Variants in FAM3D observed in about 807,000 individuals in gnomAD.
FAM3D encodes the protein FAM3 metabolism regulating signaling molecule D.
In FAM3D, 26 loss-of-function variants were observed where a neutral mutation model predicts 29.8. The ratio of observed to expected loss-of-function variants is 0.87; its 90% confidence interval spans 0.64 to 1.21. The LOEUF is 1.21. Ranked by LOEUF, FAM3D falls within the 50% of genes most tolerant of loss-of-function variation. The pLI is 0.00. For synonymous variants in FAM3D, 115 were observed against 102.3 expected, an observed-to-expected ratio of 1.12 and a Z score of -0.75; for missense variants, 253 against 290.9, an observed-to-expected ratio of 0.87 and a Z score of 0.95.
At chr3:58,646,846 G>C (rs13325635) in intron 4 of FAM3D, among the ~76,000 whole-genome samples, 2,080 of 152,340 alleles carry the variant, frequency 0.014, 52 homozygotes, top group South Asian at 0.066. Context: ...ATAGTAGGCA[G>C]TGGGTAGTCT....
At chr3:58,659,769 C>A (rs1292984127) in intron 1 of FAM3D, among the ~76,000 whole-genome samples, 1 of 152,210 alleles carries the variant, frequency 6.6e-6, no homozygotes, top group Non-Finnish European at 1.5e-5. Context: ...AAGCTAGGAG[C>A]TGCTCCCTCC....
intron 1 of FAM3D, among the ~76,000 whole-genome samples, chr3:58,662,683 T>G (rs2066954345): frequency 6.6e-6 from 1 of 152,178 alleles, no homozygotes; most frequent in Non-Finnish European, 1.5e-5. Context: ...GTTGGGGTGG[T>G]GGACATCTGT....
intron 4 of FAM3D, among the ~76,000 whole-genome samples, chr3:58,646,643 G>T (rs2066490485): frequency 6.6e-6 from 1 of 152,238 alleles, no homozygotes; most frequent in African/African-American, 2.4e-5. Flanking sequence ...AACGGGGGTT[G>T]GGCAGCCTTT....
intron 5 of FAM3D, among the ~76,000 whole-genome samples, chr3:58,644,267 C>T (rs1435510996): frequency 4.6e-5 from 7 of 152,148 alleles, no homozygotes; most frequent in Admixed American, 4.6e-4. Flanking sequence ...TGGCTGTGTC[C>T]CCACCCAAAG....
chr3:58,664,783 G>A (rs2066998814), intron 1 of FAM3D, among the ~76,000 whole-genome samples: 1 of 152,180 alleles, frequency 6.6e-6, no homozygotes, highest in Non-Finnish European at 1.5e-5. Flanking sequence ...GCCTCCAGAA[G>A]CAAGGGATTG....
rs767387170 is a variant in FAM3D at position 58,634,356 on chromosome 3, T to C, written c.598A>G (p.Ser200Gly). 1.6e-5 allele frequency: 26 copies of C among 1,613,890 alleles called. No individual in the cohort carries two copies. The Admixed American group carries it at 4.3e-4, about 27-fold the overall frequency. ...CCCTCGTATTTGTTTGTGTCTGGGC[T>C]GTTCTTTAAGAACTAGAGAGAGAGA... Reference protein sequence around the residue: ...KSPFEQFLKNSPDTNKYEGWP... With the variant: ...KSPFEQFLKNGPDTNKYEGWP... Residue 200 changes from serine to glycine, a missense_variant, in exon 10 of 10, where the codon AGC becomes GGC. By Grantham distance (56) the Ser-to-Gly change is moderately conservative (BLOSUM62 0). Coordinates refer to ENST00000358781, the MANE Select transcript of FAM3D (RefSeq NM_138805.3). This position sits in a 1 kb window ranked among gnomAD's most constrained non-coding sequence, Gnocchi z 4.6.
rs1390489683 is a variant in FAM3D, at chr3:58,636,431, C to A, written c.459-11G>T. 1.4e-5 allele frequency: 23 copies of A among 1,613,658 alleles called. No homozygotes were observed. The highest frequency in any genetic ancestry group is 1.9e-5 in the Non-Finnish European group (23 of 1,179,838). On this transcript the variant is annotated splice_polypyrimidine_tract_variant and intron_variant, in intron 8 of 9. Coordinates refer to ENST00000358781, the MANE Select transcript of FAM3D (RefSeq NM_138805.3). Reference sequence around the variant, plus strand: ...CTTTCATCGTTCATTCTGCAGAGGACCAGAGAGGATGGTCAGGATGCGGGG... The same window carrying A: ...CTTTCATCGTTCATTCTGCAGAGGAACAGAGAGGATGGTCAGGATGCGGGG...
intron 6 of FAM3D, among the ~76,000 whole-genome samples, chr3:58,640,759 C>T (rs2066304520): frequency 6.6e-6 from 1 of 152,340 alleles, no homozygotes; most frequent in East Asian, 1.9e-4. Flanking sequence ...CTCCAGGGAA[C>T]CGAGTCTTCT....
chr3:58,662,733 A>G (rs2066955391), intron 1 of FAM3D, among the ~76,000 whole-genome samples: 1 of 152,136 alleles, frequency 6.6e-6, no homozygotes, highest in African/African-American at 2.4e-5. Context: ...TTCCTTTGGG[A>G]ATCAACCCCT....
At chr3:58,643,607 C>T in intron 6 of FAM3D, 55 bp downstream of exon 6, 1 of 1,565,248 alleles carries the variant, frequency 6.4e-7, no homozygotes, top group Non-Finnish European at 8.8e-7. Flanking sequence ...TGCCGCTACC[C>T]CCTACCCTCC....
chr3:58,649,734 C>T lies in FAM3D; in HGVS notation c.122-396G>A, dbSNP rs539041134. Among the ~76,000 whole-genome samples, 12 of 151,298 alleles carry T rather than the reference C, an allele frequency of 7.9e-5. No individual in the cohort carries two copies. The South Asian group carries it at 8.5e-4, about 11-fold the overall frequency. On this transcript the variant is annotated intron_variant, in intron 3 of 9. Transcript: ENST00000358781. ...CATACACTTGTACAAGACACACACA[C>T]GACTCTCCCTTGGTTCAAAAGAAGC...
chr3:58,653,422 G>A (rs1170470448), intron 3 of FAM3D, among the ~76,000 whole-genome samples: 5 of 151,918 alleles, frequency 3.3e-5, no homozygotes, highest in Admixed American at 6.5e-5. Flanking sequence ...TTCCTTCTTC[G>A]GGTCACCTTT....
chr3:58,659,544 GC>G (rs1249305909), intron 1 of FAM3D, among the ~76,000 whole-genome samples: 1 of 152,174 alleles, frequency 6.6e-6, no homozygotes, highest in Non-Finnish European at 1.5e-5. Context: ...CTGGCTCCTG[GC>G]CCGGCATTCT....
chr3:58,659,060 T>C (rs925063836), intron 1 of FAM3D, among the ~76,000 whole-genome samples: 1 of 152,244 alleles, frequency 6.6e-6, no homozygotes, highest in Non-Finnish European at 1.5e-5. Flanking sequence ...TGTGTGTTTT[T>C]CCGCACATCT....
At chr3:58,659,378 T>C (rs527774346) in intron 1 of FAM3D, among the ~76,000 whole-genome samples, 2 of 152,348 alleles carry the variant, frequency 1.3e-5, no homozygotes, top group South Asian at 4.1e-4. Flanking sequence ...GCACTTCCTG[T>C]TGCCTGCGGC....
chr3:58,634,106 G>A lies in FAM3D; in HGVS notation c.*173C>T. The stretch of plus-strand genomic sequence containing the variant: ...GAGGCTGGTCTTCCGGGTAGGATGT[G>A]CTGTGGGAGGGTTCTGTTTCCGAGG... On this transcript the variant is annotated 3_prime_UTR_variant, in exon 10 of 10. Coordinates refer to ENST00000358781, the MANE Select transcript of FAM3D (RefSeq NM_138805.3). This position sits in a 1 kb window ranked among gnomAD's most constrained non-coding sequence, Gnocchi z 4.6. The A allele has an allele frequency of 1.7e-6, 1 of 586,430 alleles. No individual in the cohort carries two copies. Among genetic ancestry groups the A allele is most frequent in the Non-Finnish European group, 3.0e-6 (1 of 333,328 alleles). The allele number at this position is 586,430 out of a possible 1,614,324, so 36.3% of individuals were successfully genotyped here.
At chr3:58,645,405 G>T in intron 5 of FAM3D, 104 bp downstream of exon 5, 1 of 788,814 alleles carries the variant, frequency 1.3e-6, no homozygotes, top group Non-Finnish European at 1.9e-6. Flanking sequence ...GAAGCTGTGG[G>T]CTGGTCTCAC....
chr3:58,664,307 G>C (rs1006698946), intron 1 of FAM3D, among the ~76,000 whole-genome samples: 1 of 152,216 alleles, frequency 6.6e-6, no homozygotes, highest in African/African-American at 2.4e-5. Flanking sequence ...TGATTACGTA[G>C]AACTTGTTCA....
At chr3:58,647,774 C>T (rs913875327) in intron 4 of FAM3D, among the ~76,000 whole-genome samples, 2 of 152,192 alleles carry the variant, frequency 1.3e-5, no homozygotes, top group African/African-American at 2.4e-5. Context: ...GCCCAACCCC[C>T]CCGGGAACCC....
Sources: allele counts gnomAD v4.1 joint callset (sites outside exome capture counted in the v4.1 genomes callset), GRCh38; gene constraint gnomAD v4.1.1; non-coding constraint Gnocchi (gnomAD v3.1); transcripts MANE v1.5; gene names NCBI Gene and HGNC (gene_info 2026-07-23, HGNC 2026-07-21).